FIGN: variants seen among roughly 807,000 people sequenced by gnomAD.
FIGN encodes fidgetin.
In FIGN, 11 loss-of-function variants were observed where a neutral mutation model predicts 51.3. The observed-to-expected ratio is 0.21, with a 90% confidence interval of 0.13 to 0.35. FIGN has a LOEUF of 0.35. Ranked by LOEUF, FIGN falls within the 10% of genes least tolerant of loss-of-function variation. The probability of loss-of-function intolerance (pLI) is 1.00; values close to 1 mark genes in which losing one functional copy is unlikely to be tolerated. For synonymous variants in FIGN, 407 were observed against 363.2 expected, an observed-to-expected ratio of 1.12 and a Z score of -1.37; for missense variants, 857 against 943.6, an observed-to-expected ratio of 0.91 and a Z score of 1.20.
At chr2:163,633,426 G>C (rs1683178589) in intron 2 of FIGN, among the ~76,000 whole-genome samples, 1 of 152,080 alleles carries the variant, frequency 6.6e-6, no homozygotes, top group Non-Finnish European at 1.5e-5. Flanking sequence ...AAGAGATTAA[G>C]TAACTTGGCC....
At chr2:163,672,839 C>T (rs1683899199) in intron 2 of FIGN, among the ~76,000 whole-genome samples, 1 of 152,186 alleles carries the variant, frequency 6.6e-6, no homozygotes, top group African/African-American at 2.4e-5. Context: ...CACACATGCA[C>T]ACTCTGACTT....
Position 163,611,057 on chromosome 2 carries a change from C to T in FIGN, c.775G>A (p.Gly259Arg), listed in dbSNP as rs1183439105. ...SASYPPQTAV[G>R]SGYSPGGAPP... Reference sequence around the variant, plus strand: ...GCCCCCCCAGGGCTGTACCCAGACCCCACAGCAGTCTGAGGAGGATAGCTA... The same window carrying T: ...GCCCCCCCAGGGCTGTACCCAGACCTCACAGCAGTCTGAGGAGGATAGCTA... Residue 259 changes from glycine (G) to arginine (R), a missense_variant, in exon 3 of 3, where the codon GGG becomes AGG. Gly to Arg is a moderately radical substitution (Grantham distance 125, BLOSUM62 -2). Around this residue, in one of 3 missense-constraint regions of FIGN, gnomAD observed 799 missense variants for 849.5 expected, o/e 0.94. Transcript: ENST00000333129. 3 of 1,613,994 alleles carry T rather than the reference C, an allele frequency of 1.9e-6. No homozygotes were observed. The highest frequency in any genetic ancestry group is 2.5e-6 in the Non-Finnish European group (3 of 1,180,008).
chr2:163,733,055 G>A (rs1684956705), intron 2 of FIGN, among the ~76,000 whole-genome samples: 2 of 152,174 alleles, frequency 1.3e-5, no homozygotes, highest in Non-Finnish European at 2.9e-5. Context: ...ACAAGAGCCA[G>A]TAACGCCACT....
At chr2:163,696,604 A>G (rs916103688) in intron 2 of FIGN, among the ~76,000 whole-genome samples, 4 of 152,106 alleles carry the variant, frequency 2.6e-5, no homozygotes, top group African/African-American at 9.7e-5. Flanking sequence ...ATTCCTTCTT[A>G]TAATCCTGTG....
chr2:163,665,057 C>T (rs1259376988), intron 2 of FIGN, among the ~76,000 whole-genome samples: 1 of 152,156 alleles, frequency 6.6e-6, no homozygotes, highest in African/African-American at 2.4e-5. Flanking sequence ...TTGTGAGTTG[C>T]CACTTATTAT....
At position 163,721,129 on chromosome 2, in the gene FIGN, A is replaced by G. The variant is rs114157074; in HGVS notation, c.25+13774T>C. Reference sequence around the variant, plus strand: ...TTACCCTTTTGAGAAGGATCACCCAATTTTCTTCTACCAGAAGGGTAAAGG... The same window carrying G: ...TTACCCTTTTGAGAAGGATCACCCAGTTTTCTTCTACCAGAAGGGTAAAGG... On this transcript the variant is annotated intron_variant, in intron 2 of 2. Transcript: ENST00000333129. 7.2e-3 allele frequency among the ~76,000 whole-genome samples: 1,093 copies of G among 152,240 alleles called. 12 individuals carry two copies. Among genetic ancestry groups the G allele is most frequent in the African/African-American group, 0.024 (1,006 of 41,554 alleles).
chr2:163,614,833 CAGG>C lies in FIGN; in HGVS notation c.26-3030_26-3028del, dbSNP rs201364671. On this transcript the variant is annotated intron_variant, in intron 2 of 2. Transcript: ENST00000333129. ...AACTGCTTATTTTTTTAAAAAAACA[CAGG>C]AGGTGGGAACCCCCCACCTGTATTA... Among the ~76,000 whole-genome samples the C allele has an allele frequency of 1.4e-3, 216 of 151,986 alleles. 4 individuals are homozygous for C. The East Asian group carries it at 0.017, about 12-fold the overall frequency.
chr2:163,665,808 T>A (rs942424748), intron 2 of FIGN, among the ~76,000 whole-genome samples: 2 of 152,162 alleles, frequency 1.3e-5, no homozygotes, highest in African/African-American at 2.4e-5. Flanking sequence ...AAAAAAATGA[T>A]CCTGGATTCT....
chr2:163,632,774 C>T (rs112264200), intron 2 of FIGN, among the ~76,000 whole-genome samples: 2,753 of 152,240 alleles, frequency 0.018, 54 homozygotes, highest in African/African-American at 0.037. Flanking sequence ...AAGTTACAGG[C>T]GGGTAGATTT....
chr2:163,681,780 C>T (rs957255335), intron 2 of FIGN, among the ~76,000 whole-genome samples: 2 of 152,088 alleles, frequency 1.3e-5, no homozygotes, highest in Non-Finnish European at 2.9e-5. Flanking sequence ...CCAGGGAAAA[C>T]GATGGAATCG....
chr2:163,694,071 C>T (rs926822614), intron 2 of FIGN, among the ~76,000 whole-genome samples: 9 of 152,156 alleles, frequency 5.9e-5, no homozygotes, highest in African/African-American at 1.4e-4. Context: ...CATGCCTAGA[C>T]GGGGCTGCAT....
chr2:163,643,126 A>C (rs537080476), intron 2 of FIGN, among the ~76,000 whole-genome samples: 68 of 152,322 alleles, frequency 4.5e-4, no homozygotes, highest in African/African-American at 1.6e-3. Context: ...CTCAATTTCA[A>C]AACTTACTAC....
chr2:163,715,673 A>G (rs1287833864), intron 2 of FIGN, among the ~76,000 whole-genome samples: 1 of 152,106 alleles, frequency 6.6e-6, no homozygotes, highest in African/African-American at 2.4e-5. Flanking sequence ...AGAAATAAAC[A>G]TTTTCCTTTT....
At chr2:163,676,329 T>C (rs970675953) in intron 2 of FIGN, among the ~76,000 whole-genome samples, 8 of 150,616 alleles carry the variant, frequency 5.3e-5, no homozygotes, top group Non-Finnish European at 7.4e-5. Flanking sequence ...GTGTTTTTAA[T>C]TGGAAATTTC....
At chr2:163,730,943 A>C (rs1233676068) in intron 2 of FIGN, among the ~76,000 whole-genome samples, 1 of 152,214 alleles carries the variant, frequency 6.6e-6, no homozygotes, top group Non-Finnish European at 1.5e-5. Context: ...GAATATATTG[A>C]TCAAAGGTAA....
In FIGN at chr2:163,610,982, G is replaced by C. The variant is rs1282455307; in HGVS notation, c.850C>G (p.Pro284Ala). The C allele has an allele frequency of 3.7e-6, 6 of 1,613,804 alleles. No homozygotes were observed. Among genetic ancestry groups the C allele is most frequent in the Admixed American group, 1.7e-5 (1 of 60,034 alleles). The change falls in exon 3 of 3, where the codon CCC becomes GCC. Residue 284 changes from proline (P) to alanine (A), a missense_variant. Physicochemically the swap from Pro to Ala is conservative, Grantham distance 27. Transcript: ENST00000333129. Reference protein sequence around the residue: ...YLPSGIPAPTPLPPTTVPGYT... With the variant: ...YLPSGIPAPTALPPTTVPGYT... ...CCAGGAACAGTGGTGGGGGGTAGGG[G>C]GGTGGGAGCAGGAATTCCTGAAGGC...
chr2:163,707,741 A>G (rs1347921878), intron 2 of FIGN, among the ~76,000 whole-genome samples: 1 of 152,064 alleles, frequency 6.6e-6, no homozygotes, highest in Non-Finnish European at 1.5e-5. Context: ...AAAAAGTGAA[A>G]CTATCTGTGA....
intron 2 of FIGN, among the ~76,000 whole-genome samples, chr2:163,706,954 A>T (rs1291376418): frequency 2.6e-5 from 4 of 152,236 alleles, no homozygotes; most frequent in Admixed American, 2.6e-4. Flanking sequence ...CGGCCATTGC[A>T]GCATCAGTTA....
chr2:163,631,555 T>C (rs1683146241), intron 2 of FIGN, among the ~76,000 whole-genome samples: 1 of 152,142 alleles, frequency 6.6e-6, no homozygotes, highest in South Asian at 2.1e-4. Flanking sequence ...CCCCTTGTCC[T>C]CTCCCCTTTC....
Sources: gnomAD v4.1 joint callset for allele counts (sites outside exome capture counted in the v4.1 genomes callset) on GRCh38, gnomAD v4.1.1 for gene constraint, gnomAD v4.1.1 regional missense constraint, MANE v1.5 for transcripts, NCBI Gene and HGNC (gene_info 2026-07-23, HGNC 2026-07-21) for gene names.